NFILZ: variants seen among roughly 807,000 people sequenced by gnomAD.
NFILZ encodes the protein NFIL3 like protein.
chr19:8,660,088 G>C (rs1404742813), intron 3 of NFILZ, among the ~76,000 whole-genome samples: 2 of 152,066 alleles, frequency 1.3e-5, no homozygotes, highest in Non-Finnish European at 2.9e-5. Flanking sequence ...GGCGCTTTTG[G>C]GACCTGCTCA....
chr19:8,678,423 T>A lies in NFILZ; in HGVS notation c.*788T>A, dbSNP rs1169659135. Reference sequence around the variant, plus strand: ...ATCCACCTATCTATGCATGCATCCATCCATCCTCATCCACTCATCCACCCA... The same window carrying A: ...ATCCACCTATCTATGCATGCATCCAACCATCCTCATCCACTCATCCACCCA... On this transcript the variant is annotated 3_prime_UTR_variant, in exon 6 of 6. Coordinates refer to ENST00000691075, the MANE Select transcript of NFILZ (RefSeq NM_001378600.1). Among the ~76,000 whole-genome samples, 1 of 151,782 alleles carries A rather than the reference T, an allele frequency of 6.6e-6. No individual in the cohort carries two copies. The highest frequency in any genetic ancestry group is 2.4e-5 in the African/African-American group (1 of 41,310).
chr19:8,631,043 A>G (rs2042867314), intron 1 of NFILZ, among the ~76,000 whole-genome samples: 1 of 152,206 alleles, frequency 6.6e-6, no homozygotes, highest in African/African-American at 2.4e-5. Flanking sequence ...AGCCTTTAAT[A>G]GACACCTGTG....
At chr19:8,666,225 C>A (rs2043061479) in intron 3 of NFILZ, among the ~76,000 whole-genome samples, 2 of 152,012 alleles carry the variant, frequency 1.3e-5, no homozygotes, top group African/African-American at 4.8e-5. Context: ...TCTTCTTCTT[C>A]TTCTTATTTT....
At chr19:8,651,446 G>T (rs1199578427) in intron 3 of NFILZ, among the ~76,000 whole-genome samples, 2 of 151,230 alleles carry the variant, frequency 1.3e-5, no homozygotes, top group Non-Finnish European at 3.0e-5. Flanking sequence ...ACCGGCGTGA[G>T]CCACTGCGCC....
rs1412484704 is a variant in NFILZ, at chr19:8,647,791, GCGCGCACA to G, written c.-164+12047_-164+12054del. The stretch of plus-strand genomic sequence containing the variant: ...CACACGCACACATGCGCGCGCGCGC[GCGCGCACA>G]CACACACACACACACACACACACAC... On this transcript the variant is annotated intron_variant, in intron 3 of 5. Transcript: ENST00000691075. 9.9e-3 allele frequency among the ~76,000 whole-genome samples: 693 copies of G among 69,948 alleles called. 3 individuals carry two copies. Among genetic ancestry groups the G allele is most frequent in the African/African-American group, 0.021 (397 of 19,146 alleles). The allele number at this position is 69,948 out of a possible 152,430, so 45.9% of individuals were successfully genotyped here.
intron 3 of NFILZ, among the ~76,000 whole-genome samples, chr19:8,647,243 A>G (rs540254385): frequency 6.6e-6 from 1 of 152,180 alleles, no homozygotes; most frequent in African/African-American, 2.4e-5. Context: ...AAAATGTGGT[A>G]CATACACACC....
At chr19:8,655,961 G>GCCTGTC in intron 3 of NFILZ, among the ~76,000 whole-genome samples, 1 of 151,844 alleles carries the variant, frequency 6.6e-6, no homozygotes. Flanking sequence ...CTGTGTCTCT[G>GCCTGTC]CCTGTCCCTG....
chr19:8,658,416 C>T (rs995886502), intron 3 of NFILZ, among the ~76,000 whole-genome samples: 1 of 152,080 alleles, frequency 6.6e-6, no homozygotes, highest in Non-Finnish European at 1.5e-5. Flanking sequence ...CCAGTAGGGG[C>T]ACCTGGTCTC....
chr19:8,648,110 C>G, intron 3 of NFILZ, among the ~76,000 whole-genome samples: 1 of 133,980 alleles, frequency 7.5e-6, no homozygotes, highest in African/African-American at 2.8e-5. Flanking sequence ...GGAGGTGGAG[C>G]TTGCAGTGAG....
intron 3 of NFILZ, among the ~76,000 whole-genome samples, chr19:8,664,371 C>T (rs578169005): frequency 2.6e-5 from 4 of 152,302 alleles, no homozygotes; most frequent in Non-Finnish European, 5.9e-5. Flanking sequence ...CCCCCCACTT[C>T]CTGCCCATCA....
intron 3 of NFILZ, among the ~76,000 whole-genome samples, chr19:8,636,023 G>A (rs1296465342): frequency 6.6e-6 from 1 of 151,982 alleles, no homozygotes; most frequent in Non-Finnish European, 1.5e-5. Flanking sequence ...TTTTAGTAGA[G>A]AGGGGGTTTC....
chr19:8,648,711 G>T (rs1555747432), intron 3 of NFILZ, among the ~76,000 whole-genome samples: 1 of 151,882 alleles, frequency 6.6e-6, no homozygotes. Context: ...AACTAGCCAG[G>T]CGTGGTGGTG....
intron 3 of NFILZ, among the ~76,000 whole-genome samples, chr19:8,656,580 T>C (rs994511333): frequency 5.9e-5 from 9 of 151,628 alleles, no homozygotes; most frequent in African/African-American, 2.2e-4. Flanking sequence ...TCCAACCTCC[T>C]GTCCTGCCTT....
At chr19:8,633,028 T>TTTC (rs1338741946) in intron 2 of NFILZ, among the ~76,000 whole-genome samples, 1 of 147,932 alleles carries the variant, frequency 6.8e-6, no homozygotes, top group African/African-American at 2.5e-5. Flanking sequence ...TGCCTTTTTT[T>TTTC]TTTTTTTTTT....
At chr19:8,651,705 A>C (rs1555747738) in intron 3 of NFILZ, among the ~76,000 whole-genome samples, 1 of 151,390 alleles carries the variant, frequency 6.6e-6, no homozygotes, top group Non-Finnish European at 1.5e-5. Flanking sequence ...CTAATTTTTA[A>C]ACTTTTAATA....
chr19:8,658,153 C>G (rs2043013497), intron 3 of NFILZ, among the ~76,000 whole-genome samples: 1 of 152,192 alleles, frequency 6.6e-6, no homozygotes, highest in African/African-American at 2.4e-5. Context: ...AGCAAGGAGG[C>G]CTGCGTGCCT....
intron 3 of NFILZ, among the ~76,000 whole-genome samples, chr19:8,662,882 G>A (rs190299142): frequency 6.6e-6 from 1 of 151,788 alleles, no homozygotes; most frequent in East Asian, 1.9e-4. Context: ...TGATCCGTCT[G>A]CCTCCCAAAA....
chr19:8,647,584 C>A (rs868911358), intron 3 of NFILZ, among the ~76,000 whole-genome samples: 12 of 148,450 alleles, frequency 8.1e-5, no homozygotes, highest in South Asian at 2.2e-4. Context: ...GCACCCCCCC[C>A]CCCAAAAAAA....
At position 8,633,152 on chromosome 19, in the gene NFILZ, T is replaced by C. The variant is rs186671172; in HGVS notation, c.-261+527T>C. ...TCTCCTGCCTCAGCCTCCTGACTGA[T>C]TGAGATTACAGATGTGCACCACCAT... On this transcript the variant is annotated intron_variant, in intron 2 of 5. Transcript: ENST00000691075. 1.4e-4 allele frequency among the ~76,000 whole-genome samples: 21 copies of C among 150,622 alleles called. 1 individual carries two copies. Among genetic ancestry groups the C allele is most frequent in the Admixed American group, 1.3e-3 (19 of 15,088 alleles).
Sources: gnomAD v4.1 joint callset for allele counts (sites outside exome capture counted in the v4.1 genomes callset) on GRCh38, gnomAD v4.1.1 for gene constraint, MANE v1.5 for transcripts, NCBI Gene and HGNC (gene_info 2026-07-23, HGNC 2026-07-21) for gene names.